GTF2IRD1: variants seen among roughly 807,000 people sequenced by gnomAD.
GTF2IRD1 encodes the protein GTF2I repeat domain containing 1, also known as general transcription factor II-I repeat domain-containing protein 1.
In GTF2IRD1, 26 loss-of-function variants were observed where a neutral mutation model predicts 113.2. The observed-to-expected ratio is 0.23, with a 90% CI of 0.17 to 0.32. The LOEUF is 0.32. Ranked by LOEUF, GTF2IRD1 falls within the 10% of genes least tolerant of loss-of-function variation. The pLI, the probability that GTF2IRD1 is intolerant of heterozygous loss-of-function variation, is 1.00. For synonymous variants in GTF2IRD1, 484 were observed against 529.1 expected (o/e 0.91, Z 1.17); for missense variants, 864 against 1,280.8 (o/e 0.67, Z 4.97).
intron 25 of GTF2IRD1, among the ~76,000 whole-genome samples, chr7:74,597,692 T>A (rs1802507096): frequency 6.6e-6 from 1 of 151,986 alleles, no homozygotes; most frequent in South Asian, 2.1e-4. Flanking sequence ...AAAGAAAAAA[T>A]ACTGATCTAA....
At chr7:74,473,599 C>T (rs1554332900) in intron 1 of GTF2IRD1, among the ~76,000 whole-genome samples, 1 of 152,062 alleles carries the variant, frequency 6.6e-6, no homozygotes, top group Non-Finnish European at 1.5e-5. Context: ...TTTGGGGATT[C>T]TTATTGGCTG....
In GTF2IRD1 at chr7:74,529,768, G is replaced by A. The variant is rs138920210; in HGVS notation, c.1125G>A (p.Val375=). ...TGGGCCTGGACCACATGGTCCCCGT[G>A]CCCTACCGGAAGATTGCCTGTGACC... ...EALGLDHMVP[V]PYRKIACDPE... Residue 375 remains valine (V), a synonymous_variant, in exon 9 of 27, where the codon GTG becomes GTA. Transcript: ENST00000424337. The A allele has an allele frequency of 6.2e-7, 1 of 1,614,076 alleles. No homozygotes were observed. Among genetic ancestry groups the A allele is most frequent in the Non-Finnish European group, 8.5e-7 (1 of 1,180,010 alleles).
intron 1 of GTF2IRD1, among the ~76,000 whole-genome samples, chr7:74,480,769 C>T (rs1794694596): frequency 6.6e-6 from 1 of 152,200 alleles, no homozygotes; most frequent in South Asian, 2.1e-4. Flanking sequence ...TCCGTGCCCG[C>T]CCCGGGGGAC....
intron 23 of GTF2IRD1, 87 bp from the exon 24 acceptor site, chr7:74,590,738 G>A: frequency 2.3e-6 from 2 of 870,656 alleles, no homozygotes; most frequent in South Asian, 1.8e-5. Flanking sequence ...GCTGGGCTAG[G>A]GCAGCCCAGA....
chr7:74,457,673 C>T (rs770751158), intron 1 of GTF2IRD1, among the ~76,000 whole-genome samples: 14 of 152,060 alleles, frequency 9.2e-5, no homozygotes, highest in Non-Finnish European at 1.5e-4. Flanking sequence ...TGACTCTCGC[C>T]GTTTGTAAGT....
intron 22 of GTF2IRD1, among the ~76,000 whole-genome samples, chr7:74,561,740 C>G (rs1363140575): frequency 6.6e-5 from 10 of 152,028 alleles, no homozygotes; most frequent in Non-Finnish European, 1.5e-4. Flanking sequence ...ATGCGGGTGC[C>G]TTTCACACAT....
chr7:74,519,537 C>T lies in GTF2IRD1; in HGVS notation c.734C>T (p.Pro245Leu), dbSNP rs375250983. ...CCCAAGGTGCCACCCCAGGACCTGC[C>T]CCCAACCGCCACCTCCTCCTCCATG... ...QAPKVPPQDL[P>L]PTATSSSMAS... The change falls in exon 6 of 27, where the codon CCC becomes CTC. Residue 245 changes from proline to leucine, a missense_variant. Pro to Leu is a moderately conservative substitution (Grantham distance 98). Transcript: ENST00000424337. 10 of 1,612,086 alleles carry T rather than the reference C, an allele frequency of 6.2e-6. No individual in the cohort carries two copies. Among genetic ancestry groups the T allele is most frequent in the African/African-American group, 4.0e-5 (3 of 74,884 alleles).
intron 25 of GTF2IRD1, among the ~76,000 whole-genome samples, chr7:74,595,504 C>T (rs1183519218): frequency 2.0e-5 from 3 of 151,326 alleles, no homozygotes; most frequent in African/African-American, 2.4e-5. Flanking sequence ...GCCTGAGCAA[C>T]GGAGCGAGAC....
intron 22 of GTF2IRD1, chr7:74,571,083 G>A: frequency 2.0e-6 from 2 of 985,118 alleles, no homozygotes; most frequent in Non-Finnish European, 2.4e-6. Flanking sequence ...TGAGGGGACT[G>A]TGGGAAGGCA....
At chr7:74,586,702 G>T (rs587659685) in intron 22 of GTF2IRD1, among the ~76,000 whole-genome samples, 3 of 152,336 alleles carry the variant, frequency 2.0e-5, no homozygotes, top group South Asian at 2.1e-4. Context: ...CCCACATGGG[G>T]AACAGGGCCT....
chr7:74,570,657 A>G (rs1800647825), intron 22 of GTF2IRD1, among the ~76,000 whole-genome samples: 1 of 152,084 alleles, frequency 6.6e-6, no homozygotes, highest in African/African-American at 2.4e-5. Flanking sequence ...TTGTCTTTCA[A>G]AAAAAAATTC....
Position 74,559,627 on chromosome 7 carries a change from G to A in GTF2IRD1, c.2292G>A (p.Arg764=). The stretch of plus-strand genomic sequence containing the variant: ...ACCCCTGCCTCTGTTTCTCTTCTAG[G>A]CCTTTCCAAGGACTCATCCCAAAGC... ...VADKIKFTVT[R]PFQGLIPKPD... is the part of the protein sequence containing the mutation. The change falls in exon 22 of 27, where the codon AGG becomes AGA. Residue 764 remains arginine, a splice_region_variant and synonymous_variant. Coordinates refer to ENST00000424337, the MANE Select transcript of GTF2IRD1 (RefSeq NM_005685.4). 3 of 1,594,950 alleles carry A rather than the reference G, an allele frequency of 1.9e-6. No homozygotes were observed. Among genetic ancestry groups the A allele is most frequent in the Non-Finnish European group, 2.6e-6 (3 of 1,171,208 alleles).
chr7:74,592,266 A>AT (rs781794322), intron 24 of GTF2IRD1, among the ~76,000 whole-genome samples: 71 of 146,362 alleles, frequency 4.9e-4, no homozygotes, highest in Middle Eastern at 3.7e-3. Flanking sequence ...CACCTGGCTA[A>AT]TTTTTTTTTT....
At chr7:74,454,594 C>CT (rs1233776764) in intron 1 of GTF2IRD1, among the ~76,000 whole-genome samples, 3 of 151,966 alleles carry the variant, frequency 2.0e-5, no homozygotes, top group African/African-American at 7.2e-5. Context: ...CCTTTCCCCC[C>CT]TCCACCTTCT....
chr7:74,553,576 C>T (rs1198921766), intron 17 of GTF2IRD1, among the ~76,000 whole-genome samples: 2 of 152,208 alleles, frequency 1.3e-5, no homozygotes, highest in Admixed American at 1.3e-4. Flanking sequence ...GGTTGAGCCA[C>T]CATGCCCAGC....
At chr7:74,493,809 C>T (rs1554337309) in intron 1 of GTF2IRD1, among the ~76,000 whole-genome samples, 1 of 152,064 alleles carries the variant, frequency 6.6e-6, no homozygotes. Context: ...GCCTTGACCT[C>T]CTGGGCTCAG....
chr7:74,590,831 C>A lies in GTF2IRD1; in HGVS notation c.2405C>A (p.Ala802Asp). The change falls in exon 24 of 27, where the codon GCC becomes GAC. Residue 802 changes from alanine (A) to aspartate (D), a missense_variant. Ala to Asp is a moderately radical substitution (Grantham distance 126). Coordinates refer to ENST00000424337, the MANE Select transcript of GTF2IRD1 (RefSeq NM_005685.4). ...KELFNEKYGEALGLNRPVLVP... is the reference protein window; with the variant it reads ...KELFNEKYGEDLGLNRPVLVP... The stretch of plus-strand genomic sequence containing the variant: ...GACTTCCTGTGCCCTCTAGGTGAGG[C>A]CCTGGGCCTGAACCGGCCGGTGCTG... The A allele has an allele frequency of 6.3e-7, 1 of 1,597,454 alleles. No homozygotes were observed. The highest frequency in any genetic ancestry group is 8.6e-7 in the Non-Finnish European group (1 of 1,168,884).
At chr7:74,580,887 CAG>C (rs1244849294) in intron 22 of GTF2IRD1, among the ~76,000 whole-genome samples, 4 of 152,306 alleles carry the variant, frequency 2.6e-5, no homozygotes, top group South Asian at 4.1e-4. Flanking sequence ...CATTTCCAAA[CAG>C]AGAACACTCT....
At chr7:74,478,612 C>T (rs1256369799) in intron 1 of GTF2IRD1, among the ~76,000 whole-genome samples, 8 of 152,142 alleles carry the variant, frequency 5.3e-5, no homozygotes, top group African/African-American at 1.4e-4. Context: ...CATGCCACCA[C>T]GCCCAACTAA....
Sources: gnomAD v4.1 joint callset for allele counts (sites outside exome capture counted in the v4.1 genomes callset) on GRCh38, gnomAD v4.1.1 for gene constraint, MANE v1.5 for transcripts, NCBI Gene and HGNC (gene_info 2026-07-23, HGNC 2026-07-21) for gene names.